Variants in SCUBE1 observed in about 807,000 individuals in gnomAD.
The protein encoded by SCUBE1 is signal peptide, CUB and EGF-like domain-containing protein 1.
Under a neutral mutation model 124.4 loss-of-function variants are expected in SCUBE1, and 59 were observed. The ratio of observed to expected loss-of-function variants is 0.47; its 90% CI spans 0.38 to 0.59. The LOEUF (loss-of-function observed/expected upper bound fraction) is 0.59, where lower values mean the gene tolerates loss of function less well. Among genes scored for constraint, SCUBE1 ranks in the 20% least tolerant of loss-of-function variants. SCUBE1 has a pLI of 0.00. For synonymous variants in SCUBE1, 545 were observed against 550.9 expected (o/e 0.99, Z 0.15); for missense variants, 1,150 against 1,371.2 (o/e 0.84, Z 2.55).
Position 43,221,186 on chromosome 22 carries a change from C to T in SCUBE1, c.1536G>A (p.Arg512=). The T allele has an allele frequency of 1.9e-6, 3 of 1,609,978 alleles. No individual in the cohort carries two copies. The highest frequency in any genetic ancestry group is 2.5e-6 in the Non-Finnish European group (3 of 1,179,708). The change falls in exon 13 of 22, where the codon AGG becomes AGA. Residue 512 remains arginine (R), a synonymous_variant. Transcript: ENST00000360835. ...CGTCCCACTCACCCAGCAGCGGCTG[C>T]CTGGCGGTCTCCTTTGCTCGTGCCT... is the stretch of plus-strand genomic sequence containing the variant. ...HSQARAKETA[R]QPLLDHCHVT...
chr22:43,224,192 G>T (rs1366233440), intron 10 of SCUBE1, among the ~76,000 whole-genome samples: 2 of 152,222 alleles, frequency 1.3e-5, no homozygotes, highest in Non-Finnish European at 2.9e-5. Context: ...TGGGCCACAG[G>T]TGTCCTTGGT....
At chr22:43,208,046 T>C in intron 20 of SCUBE1, 26 bp downstream of exon 20, 1 of 1,613,418 alleles carries the variant, frequency 6.2e-7, no homozygotes, top group Non-Finnish European at 8.5e-7. Context: ...CCGTGCACAG[T>C]GGGCCGTGAA....
intron 4 of SCUBE1, among the ~76,000 whole-genome samples, chr22:43,288,470 T>G (rs866086813): frequency 6.6e-6 from 1 of 152,188 alleles, no homozygotes; most frequent in Non-Finnish European, 1.5e-5. Flanking sequence ...CCCCATGTTG[T>G]CCAGCCCCCA....
chr22:43,300,782 C>T (rs773522144), intron 3 of SCUBE1, among the ~76,000 whole-genome samples: 1 of 152,076 alleles, frequency 6.6e-6, no homozygotes, highest in Non-Finnish European at 1.5e-5. Context: ...CGCCCCCACC[C>T]CATCTACATT....
rs769512258 is a variant in SCUBE1, at chr22:43,227,496, T to A, written c.1085A>T (p.Asp362Val). 1.2e-6 allele frequency: 2 copies of A among 1,611,618 alleles called. No homozygotes were observed. Among genetic ancestry groups the A allele is most frequent in the South Asian group, 2.2e-5 (2 of 91,062 alleles). Residue 362 changes from aspartate (D) to valine (V), a missense_variant and splice_region_variant, in exon 10 of 22, where the codon GAT (aspartate) becomes GTT (valine). Asp to Val is a radical substitution (Grantham distance 152). Coordinates refer to ENST00000360835, the MANE Select transcript of SCUBE1 (RefSeq NM_173050.5). The stretch of plus-strand genomic sequence containing the variant: ...GTTGCTCATGCTGCACTCGTCCACA[T>A]CTGGAAGCACAGCGGGCGTAAGGGC... ...YILYGTTHCG[D>V]VDECSMSNGS... is the part of the protein sequence containing the mutation.
intron 3 of SCUBE1, chr22:43,317,071 T>A (rs1173996953): frequency 1.3e-5 from 2 of 152,084 alleles, no homozygotes; most frequent in African/African-American, 4.8e-5. Context: ...AAAAACCAAA[T>A]GGTCGTTTGA....
intron 2 of SCUBE1, among the ~76,000 whole-genome samples, chr22:43,335,349 C>A (rs1927029169): frequency 6.6e-6 from 1 of 152,156 alleles, no homozygotes; most frequent in Non-Finnish European, 1.5e-5. Context: ...AAATTGATGA[C>A]TGTAAGTAGG....
chr22:43,221,359 C>A, intron 12 of SCUBE1, 70 bp from the exon 13 acceptor site: 2 of 829,138 alleles, frequency 2.4e-6, no homozygotes, highest in South Asian at 1.4e-5. Context: ...GGGACGGGGG[C>A]TGCCAGGGGA....
intron 6 of SCUBE1, among the ~76,000 whole-genome samples, chr22:43,247,831 G>T (rs1294811796): frequency 6.6e-6 from 1 of 152,244 alleles, no homozygotes; most frequent in African/African-American, 2.4e-5. Flanking sequence ...GGTGAAGAGG[G>T]TGCCCTGTTC....
At chr22:43,298,347 A>G (rs1245712970) in intron 3 of SCUBE1, among the ~76,000 whole-genome samples, 1 of 152,162 alleles carries the variant, frequency 6.6e-6, no homozygotes, top group Non-Finnish European at 1.5e-5. Flanking sequence ...GGGGCTCCTG[A>G]TTCCCCAGCA....
intron 16 of SCUBE1, 26 bp from the exon 17 acceptor site, chr22:43,212,618 G>A (rs910368675): frequency 1.3e-6 from 2 of 1,552,976 alleles, no homozygotes; most frequent in South Asian, 1.2e-5. Flanking sequence ...CATGGCTCAG[G>A]CGGGCAGGAG....
intron 3 of SCUBE1, among the ~76,000 whole-genome samples, chr22:43,311,143 T>C (rs569785487): frequency 2.2e-4 from 34 of 152,340 alleles, no homozygotes; most frequent in African/African-American, 8.2e-4. Context: ...TACCCAATGC[T>C]GTCACCCTGC....
At position 43,210,957 on chromosome 22, in the gene SCUBE1, T is replaced by C; in HGVS notation, c.2348A>G (p.Asp783Gly). Residue 783 changes from aspartate to glycine, a missense_variant, in exon 18 of 22, where the codon GAC (aspartate) becomes GGC (glycine). Transcript: ENST00000360835. The surrounding 1 kb of genome is among the most constrained non-coding windows in gnomAD (Gnocchi z 4.5). ...TGTGACGTTGGTGGAGCCATCGAAG[T>C]CTGTGCTGGTGTTGCCCGGACAGGT... ...CITCPGNTST[D>G]FDGSTNVTHC... The C allele has an allele frequency of 1.2e-6, 2 of 1,614,084 alleles. No homozygotes were observed. The highest frequency in any genetic ancestry group is 8.5e-7 in the Non-Finnish European group (1 of 1,180,008).
intron 2 of SCUBE1, among the ~76,000 whole-genome samples, chr22:43,330,303 C>A (rs975628784): frequency 3.3e-5 from 5 of 152,144 alleles, no homozygotes; most frequent in Non-Finnish European, 7.4e-5. Flanking sequence ...TTCCATTGAC[C>A]ATCACAGCTG....
intron 7 of SCUBE1, 87 bp downstream of exon 7, chr22:43,238,751 C>T (rs2146686029): frequency 1.8e-6 from 2 of 1,112,890 alleles, no homozygotes; most frequent in Non-Finnish European, 2.8e-6. Context: ...CCGTTCAGCC[C>T]AGCCCTGGGC....
chr22:43,290,853 A>T (rs1288848740), intron 4 of SCUBE1, among the ~76,000 whole-genome samples, 193 bp downstream of exon 4: 1 of 152,220 alleles, frequency 6.6e-6, no homozygotes, highest in East Asian at 1.9e-4. Flanking sequence ...GCCCTAGTGT[A>T]GCAGGTAGAG....
At chr22:43,342,584 C>T (rs974277578) in intron 1 of SCUBE1, among the ~76,000 whole-genome samples, 14 of 151,966 alleles carry the variant, frequency 9.2e-5, no homozygotes, top group Non-Finnish European at 1.8e-4. Context: ...TCGGTGGGAC[C>T]ATCCCTCTTG....
At chr22:43,264,746 G>C (rs1217994547) in intron 4 of SCUBE1, among the ~76,000 whole-genome samples, 1 of 152,190 alleles carries the variant, frequency 6.6e-6, no homozygotes, top group Non-Finnish European at 1.5e-5. Flanking sequence ...ATCCCACAAT[G>C]CCTGCTGGGC....
rs540794790 is a variant in SCUBE1 at position 43,204,131 on chromosome 22, C to G, written c.2833G>C (p.Ala945Pro). The change falls in exon 22 of 22, where the codon GCC (alanine) becomes CCC (proline). Residue 945 changes from alanine to proline, a missense_variant. Coordinates refer to ENST00000360835, the MANE Select transcript of SCUBE1 (RefSeq NM_173050.5). Reference sequence around the variant, plus strand: ...GGATGCGCCAGCACGTCGAAGAGGGCCTTGATCAGCTTCTTGTCCTGTAAG... The same window carrying G: ...GGATGCGCCAGCACGTCGAAGAGGGGCTTGATCAGCTTCTTGTCCTGTAAG... Reference protein sequence around the residue: ...EILKDKKLIKALFDVLAHPQN... With the variant: ...EILKDKKLIKPLFDVLAHPQN... 3.1e-6 allele frequency: 5 copies of G among 1,613,880 alleles called. No homozygotes were observed. In the African/African-American group the frequency reaches 6.7e-5, roughly 22 times the overall value.
Sources: allele counts gnomAD v4.1 joint callset (sites outside exome capture counted in the v4.1 genomes callset), GRCh38; gene constraint gnomAD v4.1.1; non-coding constraint Gnocchi (gnomAD v3.1); transcripts MANE v1.5; gene names NCBI Gene and HGNC (gene_info 2026-07-23, HGNC 2026-07-21).